ADAMTS19: variants seen among roughly 807,000 people sequenced by gnomAD.
ADAMTS19 encodes ADAM metallopeptidase with thrombospondin type 1 motif 19.
Under a neutral mutation model 153.3 loss-of-function variants are expected in ADAMTS19, and 93 were observed. The observed-to-expected ratio is 0.61, with a 90% CI of 0.51 to 0.72. ADAMTS19 has a LOEUF of 0.72. Ranked by LOEUF, ADAMTS19 falls within the 30% of genes least tolerant of loss-of-function variation. The pLI, the probability that ADAMTS19 is intolerant of heterozygous loss-of-function variation, is 0.00. For missense variants in ADAMTS19, 1,482 were observed against 1,552.1 expected (o/e 0.95, Z 0.76); for synonymous variants, 600 against 556.6 (o/e 1.08, Z -1.10).
At chr5:129,654,658 C>A (rs907147787) in intron 14 of ADAMTS19, among the ~76,000 whole-genome samples, 2 of 152,120 alleles carry the variant, frequency 1.3e-5, no homozygotes, top group African/African-American at 4.8e-5. Context: ...CTATTACTAA[C>A]TGAAAGAATC....
At chr5:129,561,650 G>T (rs1434979804) in intron 7 of ADAMTS19, among the ~76,000 whole-genome samples, 1 of 152,092 alleles carries the variant, frequency 6.6e-6, no homozygotes, top group African/African-American at 2.4e-5. Flanking sequence ...GAACCTGAAA[G>T]CATAGGATGA....
intron 7 of ADAMTS19, among the ~76,000 whole-genome samples, chr5:129,559,446 A>G (rs1009164364): frequency 5.9e-5 from 9 of 152,266 alleles, no homozygotes; most frequent in Middle Eastern, 3.4e-3. Flanking sequence ...GGAAATGAAC[A>G]TTCAGATCAC....
At chr5:129,535,079 G>A (rs1752364105) in intron 6 of ADAMTS19, among the ~76,000 whole-genome samples, 1 of 152,154 alleles carries the variant, frequency 6.6e-6, no homozygotes, top group South Asian at 2.1e-4. Flanking sequence ...TCAGGCAGGA[G>A]AAGGAAATAA....
chr5:129,650,726 C>T (rs1317749688), intron 13 of ADAMTS19, among the ~76,000 whole-genome samples: 2 of 152,068 alleles, frequency 1.3e-5, no homozygotes. Flanking sequence ...GGATCATTCA[C>T]ATTTAATTTT....
At chr5:129,473,110 AT>A (rs1172796953) in intron 2 of ADAMTS19, among the ~76,000 whole-genome samples, 1 of 151,920 alleles carries the variant, frequency 6.6e-6, no homozygotes, top group Admixed American at 6.6e-5. Flanking sequence ...AAAAATAAAA[AT>A]AAAAAAGCAG....
At chr5:129,474,206 C>T (rs569695987) in intron 2 of ADAMTS19, among the ~76,000 whole-genome samples, 2 of 152,222 alleles carry the variant, frequency 1.3e-5, no homozygotes, top group East Asian at 3.9e-4. Context: ...TTTTGAGGTT[C>T]ATCCATGTGG....
chr5:129,557,856 G>A (rs1233608750), intron 7 of ADAMTS19, among the ~76,000 whole-genome samples: 1 of 151,538 alleles, frequency 6.6e-6, no homozygotes, highest in African/African-American at 2.4e-5. Context: ...CCAAATATTA[G>A]CAGATATTAT....
intron 11 of ADAMTS19, among the ~76,000 whole-genome samples, chr5:129,646,183 C>T (rs570631364): frequency 3.9e-5 from 6 of 152,140 alleles, no homozygotes; most frequent in Non-Finnish European, 5.9e-5. Flanking sequence ...CCACCGCGCC[C>T]GGCCTCCTTT....
chr5:129,551,213 A>G (rs1210515832), intron 6 of ADAMTS19, among the ~76,000 whole-genome samples: 1 of 151,684 alleles, frequency 6.6e-6, no homozygotes, highest in African/African-American at 2.4e-5. Flanking sequence ...CCCAAATCTC[A>G]TAGCTCTTAT....
At chr5:129,732,843 G>A (rs1262896806) in intron 21 of ADAMTS19, among the ~76,000 whole-genome samples, 1 of 151,908 alleles carries the variant, frequency 6.6e-6, no homozygotes, top group African/African-American at 2.4e-5. Context: ...CTCCAAAATA[G>A]CCTGAATAGC....
intron 16 of ADAMTS19, among the ~76,000 whole-genome samples, chr5:129,671,789 A>G (rs1320995183): frequency 1.3e-5 from 2 of 152,160 alleles, no homozygotes; most frequent in East Asian, 3.9e-4. Flanking sequence ...GACCTATGTT[A>G]TATCTTTGCA....
intron 14 of ADAMTS19, among the ~76,000 whole-genome samples, chr5:129,658,374 A>G (rs1249444552): frequency 1.3e-5 from 2 of 151,324 alleles, no homozygotes; most frequent in African/African-American, 2.4e-5. Context: ...AGAAAGAGAG[A>G]GAGGAAGGAA....
At chr5:129,499,804 G>T (rs546331209) in intron 2 of ADAMTS19, among the ~76,000 whole-genome samples, 8 of 152,204 alleles carry the variant, frequency 5.3e-5, no homozygotes, top group Admixed American at 4.6e-4. Context: ...ATGCCCCTGG[G>T]TTTCTTTCTG....
chr5:129,551,943 G>A, intron 7 of ADAMTS19, 36 bp downstream of exon 7: 1 of 1,449,124 alleles, frequency 6.9e-7, no homozygotes, highest in Non-Finnish European at 9.4e-7. Flanking sequence ...TGGAGTTCTG[G>A]AGAACTTGAA....
At chr5:129,643,172 C>G (rs1364348385) in intron 11 of ADAMTS19, among the ~76,000 whole-genome samples, 3 of 117,118 alleles carry the variant, frequency 2.6e-5, no homozygotes, top group Non-Finnish European at 5.3e-5. Context: ...CAAAAGCACA[C>G]ACACACACAC....
At chr5:129,699,176 C>G (rs1216868312) in intron 19 of ADAMTS19, among the ~76,000 whole-genome samples, 1 of 152,112 alleles carries the variant, frequency 6.6e-6, no homozygotes, top group Admixed American at 6.5e-5. Context: ...AATCCCAGCT[C>G]TTTAGGAGGC....
chr5:129,507,766 GAGAA>G (rs1225642914), intron 2 of ADAMTS19, among the ~76,000 whole-genome samples: 3 of 151,806 alleles, frequency 2.0e-5, no homozygotes, highest in African/African-American at 7.2e-5. Flanking sequence ...GAGGCAGAGA[GAGAA>G]AGAAAGGGAG....
At chr5:129,469,548 T>C (rs538229081) in intron 2 of ADAMTS19, among the ~76,000 whole-genome samples, 2 of 152,306 alleles carry the variant, frequency 1.3e-5, no homozygotes, top group Admixed American at 6.5e-5. Flanking sequence ...TTGTCAATTT[T>C]AGAGAAATAT....
intron 7 of ADAMTS19, among the ~76,000 whole-genome samples, chr5:129,588,933 T>A (rs1050983472): frequency 6.6e-6 from 1 of 151,882 alleles, no homozygotes; most frequent in Admixed American, 6.6e-5. Flanking sequence ...GTTGTTTTCT[T>A]TTTTACTTCT....
Sources: allele counts gnomAD v4.1 joint callset (sites outside exome capture counted in the v4.1 genomes callset), GRCh38; gene constraint gnomAD v4.1.1; transcripts MANE v1.5; gene names NCBI Gene and HGNC (gene_info 2026-07-23, HGNC 2026-07-21).